Variants in NCALD observed in about 807,000 individuals in gnomAD.
NCALD encodes neurocalcin-delta.
NCALD carries 10 observed loss-of-function variants against 18.6 expected under a neutral mutation model. The observed-to-expected ratio is 0.54, with a 90% CI of 0.33 to 0.91. NCALD has a LOEUF of 0.91. Among genes scored for constraint, NCALD ranks in the 40% least tolerant of loss-of-function variants. The pLI is 0.03. For missense variants in NCALD, 184 were observed against 247.6 expected (o/e 0.74, Z 1.72); for synonymous variants, 88 against 87.4 (o/e 1.01, Z -0.04).
intron 1 of NCALD, among the ~76,000 whole-genome samples, chr8:102,037,637 T>A (rs1822916983): frequency 7.3e-6 from 1 of 137,214 alleles, no homozygotes; most frequent in Admixed American, 6.9e-5. Context: ...TTTCTTCTAA[T>A]TTTCCAATTT....
At chr8:101,945,308 A>G (rs1165644481) in intron 2 of NCALD, among the ~76,000 whole-genome samples, 3 of 152,166 alleles carry the variant, frequency 2.0e-5, no homozygotes, top group Non-Finnish European at 4.4e-5. Context: ...CCCTGCCCTC[A>G]TGGACCTTAC....
chr8:101,838,263 C>G (rs1278372137), intron 4 of NCALD, among the ~76,000 whole-genome samples: 1 of 152,030 alleles, frequency 6.6e-6, no homozygotes, highest in Non-Finnish European at 1.5e-5. Context: ...TGCCCTGTCG[C>G]CAGCCTGGAG....
intron 4 of NCALD, among the ~76,000 whole-genome samples, chr8:101,839,429 T>A (rs927299463): frequency 6.6e-6 from 1 of 151,704 alleles, no homozygotes; most frequent in African/African-American, 2.4e-5. Context: ...TACTAAGAGG[T>A]TTGGCTTTCA....
chr8:101,736,136 T>A (rs1241086451), intron 1 of NCALD, among the ~76,000 whole-genome samples: 1 of 152,136 alleles, frequency 6.6e-6, no homozygotes, highest in Non-Finnish European at 1.5e-5. Flanking sequence ...CTAATGGCAA[T>A]AAAAACCCCG....
At chr8:102,002,752 C>T (rs1175544163) in intron 2 of NCALD, among the ~76,000 whole-genome samples, 1 of 152,160 alleles carries the variant, frequency 6.6e-6, no homozygotes, top group African/African-American at 2.4e-5. Flanking sequence ...TACATGGAAA[C>T]TGAACAACCT....
intron 2 of NCALD, among the ~76,000 whole-genome samples, chr8:101,953,731 A>C (rs1033061503): frequency 2.6e-5 from 4 of 152,266 alleles, no homozygotes; most frequent in African/African-American, 9.6e-5. Flanking sequence ...TGGATTTTAG[A>C]GGGCACAGCC....
chr8:102,019,003 T>C (rs1822183551), intron 2 of NCALD, among the ~76,000 whole-genome samples: 1 of 152,104 alleles, frequency 6.6e-6, no homozygotes. Context: ...ACATACATCC[T>C]ACCAAGGATA....
At chr8:101,840,480 A>T (rs1320664514) in intron 4 of NCALD, among the ~76,000 whole-genome samples, 1 of 152,212 alleles carries the variant, frequency 6.6e-6, no homozygotes, top group Non-Finnish European at 1.5e-5. Context: ...AAGCTGATAC[A>T]TTACGTATAT....
intron 2 of NCALD, among the ~76,000 whole-genome samples, chr8:101,922,753 T>C (rs1230353332): frequency 2.6e-5 from 4 of 152,172 alleles, no homozygotes; most frequent in Admixed American, 2.6e-4. Context: ...TAGTACTGAA[T>C]TTGATACATA....
intron 1 of NCALD, among the ~76,000 whole-genome samples, chr8:102,046,178 G>T (rs1823232282): frequency 6.6e-6 from 1 of 152,156 alleles, no homozygotes; most frequent in Non-Finnish European, 1.5e-5. Flanking sequence ...TTCACCAGTT[G>T]AGAACAATAT....
chr8:101,905,903 G>T (rs946694378), intron 3 of NCALD, among the ~76,000 whole-genome samples: 1 of 152,148 alleles, frequency 6.6e-6, no homozygotes, highest in South Asian at 2.1e-4. Flanking sequence ...TACAGTTTCT[G>T]CATAAATAGA....
chr8:101,905,306 G>C (rs959726554), intron 3 of NCALD, among the ~76,000 whole-genome samples: 1 of 150,054 alleles, frequency 6.7e-6, no homozygotes, highest in African/African-American at 2.5e-5. Flanking sequence ...TCTCTCTGGT[G>C]TATTTCTCTT....
intron 1 of NCALD, among the ~76,000 whole-genome samples, chr8:101,748,955 G>C (rs1810540474): frequency 6.6e-6 from 1 of 152,196 alleles, no homozygotes; most frequent in Admixed American, 6.5e-5. Flanking sequence ...TGCAATATGA[G>C]TGTGGTCTCT....
At position 102,028,969 on chromosome 8, in the gene NCALD, C is replaced by G. The variant is rs60844168; in HGVS notation, c.-209-8680G>C. The G allele has an allele frequency of 1.9e-3, 290 of 152,192 alleles. 1 individual carries two copies. Among genetic ancestry groups the G allele is most frequent in the African/African-American group, 6.7e-3 (279 of 41,526 alleles). 9.4% of individuals were successfully genotyped at this position (152,192 alleles called of 1,614,324 possible). ...AAATAATAGCAACAACAGCTAACCA[C>G]ATAACAAAATAATATAAAGAAACTG... On this transcript the variant is annotated intron_variant, in intron 1 of 6. Transcript: ENST00000311028.
chr8:102,051,825 C>T (rs149939271), intron 1 of NCALD, among the ~76,000 whole-genome samples: 3 of 152,188 alleles, frequency 2.0e-5, no homozygotes, highest in African/African-American at 4.8e-5. Flanking sequence ...AAGTTTATCA[C>T]GTTTCATTAC....
chr8:102,002,868 A>G (rs1255852809), intron 2 of NCALD, among the ~76,000 whole-genome samples: 1 of 152,218 alleles, frequency 6.6e-6, no homozygotes, highest in African/African-American at 2.4e-5. Context: ...TCTGGGACAC[A>G]TTCAAAGCAG....
At chr8:101,891,110 T>C (rs2131507450) in intron 3 of NCALD, among the ~76,000 whole-genome samples, 1 of 152,328 alleles carries the variant, frequency 6.6e-6, no homozygotes, top group Admixed American at 6.5e-5. Flanking sequence ...GAATGAACAA[T>C]ATTTGTGTTG....
chr8:101,885,531 GC>G (rs1816644615), intron 4 of NCALD, among the ~76,000 whole-genome samples: 1 of 152,170 alleles, frequency 6.6e-6, no homozygotes, highest in African/African-American at 2.4e-5. Flanking sequence ...CTTCTTCACT[GC>G]CCCAAGAGCT....
intron 4 of NCALD, among the ~76,000 whole-genome samples, chr8:101,885,114 G>A (rs774565331): frequency 1.3e-5 from 2 of 152,122 alleles, no homozygotes; most frequent in African/African-American, 2.4e-5. Flanking sequence ...CTATAACTAA[G>A]AAGCTAGTCA....
Sources: gnomAD v4.1 joint callset for allele counts (sites outside exome capture counted in the v4.1 genomes callset) on GRCh38, gnomAD v4.1.1 for gene constraint, MANE v1.5 for transcripts, NCBI Gene and HGNC (gene_info 2026-07-23, HGNC 2026-07-21) for gene names.